CHFR: variants seen among roughly 807,000 people sequenced by gnomAD.
CHFR encodes E3 ubiquitin-protein ligase CHFR.
In CHFR, 57 loss-of-function variants were observed where a neutral mutation model predicts 87.6. The observed-to-expected ratio is 0.65, with a 90% CI of 0.53 to 0.81. The LOEUF is 0.81. Among genes scored for constraint, CHFR ranks in the 30% least tolerant of loss-of-function variants. The pLI is 0.00. For missense variants in CHFR, 797 were observed against 865.8 expected, an observed-to-expected ratio of 0.92 and a Z score of 1.00; for synonymous variants, 381 against 359.2, an observed-to-expected ratio of 1.06 and a Z score of -0.69.
At chr12:132,871,860 G>C (rs145288754) in intron 4 of CHFR, 276 of 166,092 alleles carry the variant, frequency 1.7e-3, no homozygotes, top group African/African-American at 6.4e-3. Context: ...AACAAAAACG[G>C]GACTTCTGGA....
chr12:132,853,772 G>A (rs1326069809), intron 10 of CHFR, 199 bp from the exon 11 acceptor site: 1 of 579,520 alleles, frequency 1.7e-6, no homozygotes, highest in Non-Finnish European at 2.9e-6. Flanking sequence ...GCAAGGACAC[G>A]CCACTCTGCA....
At chr12:132,851,810 G>T in intron 11 of CHFR, 73 bp from the exon 12 acceptor site, 1 of 1,524,264 alleles carries the variant, frequency 6.6e-7, no homozygotes. Flanking sequence ...AGAGGCCGCC[G>T]GGAAGCACAG....
intron 4 of CHFR, 133 bp downstream of exon 4, chr12:132,872,152 G>T: frequency 1.5e-6 from 1 of 657,716 alleles, no homozygotes; most frequent in Non-Finnish European, 2.7e-6. Context: ...AGGAACCCAT[G>T]TGAGCAAGAA....
chr12:132,869,882 G>T, intron 5 of CHFR, 84 bp from the exon 6 acceptor site: 1 of 1,454,226 alleles, frequency 6.9e-7, no homozygotes, highest in Non-Finnish European at 9.4e-7. Context: ...GGCTCAAGCA[G>T]ACACTCTAGG....
In CHFR at chr12:132,838,876, C is replaced by T. The variant is rs1264044106; in HGVS notation, c.*2678G>A. On this transcript the variant is annotated 3_prime_UTR_variant, in exon 18 of 18. Transcript: ENST00000450056. ...CCGAGGAGTAACTGCCCTGATCTCC[C>T]TGCCTCCATAAAACACGGCTCCTTA... 2 of 152,500 alleles carry T rather than the reference C, an allele frequency of 1.3e-5. No homozygotes were observed. The highest frequency in any genetic ancestry group is 4.8e-5 in the African/African-American group (2 of 41,430). 9.4% of individuals were successfully genotyped at this position (152,500 alleles called of 1,614,324 possible). A position where few individuals can be genotyped will look rare whatever the true frequency, so the allele number is the denominator to read the frequency against.
chr12:132,853,563 C>T lies in CHFR; in HGVS notation c.1240G>A (p.Val414Ile), dbSNP rs768814594. The T allele has an allele frequency of 1.2e-5, 18 of 1,529,902 alleles. No individual in the cohort carries two copies. Among genetic ancestry groups the T allele is most frequent in the Admixed American group, 1.0e-4 (5 of 48,232 alleles). 94.8% of individuals were successfully genotyped at this position (1,529,902 alleles called of 1,614,324 possible). A position where few individuals can be genotyped will look rare whatever the true frequency, so the allele number is the denominator to read the frequency against. The change falls in exon 11 of 18, where the codon GTC (valine) becomes ATC (isoleucine). Residue 414 changes from valine to isoleucine, a missense_variant. Around this residue, in one of 2 missense-constraint regions of CHFR, gnomAD observed 597 missense variants for 601.2 expected, o/e 0.99. Coordinates refer to ENST00000450056, the MANE Select transcript of CHFR (RefSeq NM_001161346.2). ...SESSDISQPY[V>I]VCRQCPEYRR... is the part of the protein sequence containing the mutation. Reference sequence around the variant, plus strand: ...TACTCAGGACACTGCCGGCACACGACGTATGGCTGGCTGCAAGGAAGCACA... The same window carrying T: ...TACTCAGGACACTGCCGGCACACGATGTATGGCTGGCTGCAAGGAAGCACA...
At chr12:132,844,680 G>C (rs565048496) in intron 15 of CHFR, among the ~76,000 whole-genome samples, 75 of 152,028 alleles carry the variant, frequency 4.9e-4, no homozygotes, top group Non-Finnish European at 7.8e-4. Flanking sequence ...GCCCAGGCTA[G>C]AGTGCAGTGG....
At chr12:132,872,147 C>A (rs189161221) in intron 4 of CHFR, 138 bp downstream of exon 4, 67 of 647,690 alleles carry the variant, frequency 1.0e-4, no homozygotes, top group Non-Finnish European at 1.8e-4. Context: ...ACGGCAGGAA[C>A]CCATGTGAGC....
rs567371193 is a variant in CHFR at position 132,853,309 on chromosome 12, C to T, written c.1372+122G>A. 416 of 1,101,262 alleles carry T rather than the reference C, an allele frequency of 3.8e-4. 2 individuals carry two copies. Among genetic ancestry groups the T allele is most frequent in the Middle Eastern group, 2.4e-3 (8 of 3,274 alleles). 68.2% of individuals were successfully genotyped at this position (1,101,262 alleles called of 1,614,324 possible). A position where few individuals can be genotyped will look rare whatever the true frequency, so the allele number is the denominator to read the frequency against. On this transcript the variant is annotated intron_variant, in intron 11 of 17. Coordinates refer to ENST00000450056, the MANE Select transcript of CHFR (RefSeq NM_001161346.2). ...TGCAGGGAGACCAATGAGGCCAGGG[C>T]CCAAAGGGGGCGAGCAGTGCAGACA... is the stretch of plus-strand genomic sequence containing the variant.
intron 2 of CHFR, among the ~76,000 whole-genome samples, chr12:132,886,022 C>T (rs1951883787): frequency 6.6e-6 from 1 of 152,118 alleles, no homozygotes; most frequent in African/African-American, 2.4e-5. Flanking sequence ...CCCCAAAAAA[C>T]AAAACCAGGT....
chr12:132,877,620 G>C lies in CHFR; in HGVS notation c.168C>G (p.Val56=), dbSNP rs1951658293. The change falls in exon 3 of 18, where the codon GTC becomes GTG. Residue 56 remains valine (V), a synonymous_variant. Transcript: ENST00000450056. ...CTACAATTCTACAGTGATCTCCAGAGACCAGTTTATTGCTGGGGAAGGAAA... is the reference window on the plus strand; with the variant it reads ...CTACAATTCTACAGTGATCTCCAGACACCAGTTTATTGCTGGGGAAGGAAA... ...CDLSFPSNKL[V]SGDHCRIVVD... The C allele has an allele frequency of 8.1e-6, 13 of 1,613,630 alleles. No individual in the cohort carries two copies. The East Asian group carries it at 2.9e-4, about 36-fold the overall frequency.
intron 3 of CHFR, among the ~76,000 whole-genome samples, chr12:132,877,250 G>A (rs1358541599): frequency 6.6e-6 from 1 of 152,160 alleles, no homozygotes; most frequent in Admixed American, 6.5e-5. Context: ...ACGCTGTATA[G>A]GTTGATAGCC....
chr12:132,848,387 G>C (rs376989159), intron 13 of CHFR: 1 of 796,868 alleles, frequency 1.3e-6, no homozygotes, highest in African/African-American at 1.7e-5. Flanking sequence ...TCTTGGTATC[G>C]TAACAGCAGA....
At chr12:132,850,715 G>A (rs554740089) in intron 12 of CHFR, among the ~76,000 whole-genome samples, 1 of 152,142 alleles carries the variant, frequency 6.6e-6, no homozygotes, top group African/African-American at 2.4e-5. Flanking sequence ...CAGTGCTGTG[G>A]TCCTGTGTGC....
intron 12 of CHFR, among the ~76,000 whole-genome samples, chr12:132,850,968 T>C (rs1375234427): frequency 3.3e-4 from 7 of 21,184 alleles, no homozygotes; most frequent in African/African-American, 6.9e-4. Flanking sequence ...TGTGTGCATA[T>C]ATATATATAT....
rs61083084 is a variant in CHFR, at chr12:132,876,173, C to CAA, written c.233+1380_233+1381dup. Reference sequence around the variant, plus strand: ...CCTGCAACACAGTGAAACTCCATCTCAAAAAAAAAAAAGAAAGAAAGAAAA... The same window carrying CAA: ...CCTGCAACACAGTGAAACTCCATCTCAAAAAAAAAAAAAAGAAAGAAAGAAAA... On this transcript the variant is annotated intron_variant, in intron 3 of 17. Coordinates refer to ENST00000450056, the MANE Select transcript of CHFR (RefSeq NM_001161346.2). Among the ~76,000 whole-genome samples, 356 of 139,538 alleles carry CAA rather than the reference C, an allele frequency of 2.6e-3. 5 individuals are homozygous for CAA. Among genetic ancestry groups the CAA allele is most frequent in the African/African-American group, 8.9e-3 (340 of 38,144 alleles). The allele number at this position is 139,538 out of a possible 152,430, so 91.5% of individuals were successfully genotyped here.
Position 132,836,652 on chromosome 12 carries a change from C to T in CHFR, c.*4902G>A, listed in dbSNP as rs946453272. The stretch of plus-strand genomic sequence containing the variant: ...AGTCCATTCCTTCCACAGACATGCA[C>T]GACCAAGTGTCTGCTCTGTGTGAGG... On this transcript the variant is annotated 3_prime_UTR_variant, in exon 18 of 18. Transcript: ENST00000450056. 4 of 455,970 alleles carry T rather than the reference C, an allele frequency of 8.8e-6. No homozygotes were observed. Among genetic ancestry groups the T allele is most frequent in the Non-Finnish European group, 8.8e-6 (2 of 226,810 alleles). The allele number at this position is 455,970 out of a possible 1,614,324, so 28.2% of individuals were successfully genotyped here.
At chr12:132,853,974 C>T (rs1951007563) in intron 10 of CHFR, 1 of 174,382 alleles carries the variant, frequency 5.7e-6, no homozygotes, top group Non-Finnish European at 1.2e-5. Context: ...GGAGCCACAC[C>T]AGGCGCCTGC....
In CHFR at chr12:132,887,321, C is replaced by A; in HGVS notation, c.8G>T (p.Arg3Leu). The change falls in exon 2 of 18, where the codon CGG (arginine) becomes CTG (leucine). Residue 3 changes from arginine to leucine, a missense_variant. Around this residue, in one of 2 missense-constraint regions of CHFR, gnomAD observed 597 missense variants for 601.2 expected, o/e 0.99. Coordinates refer to ENST00000450056, the MANE Select transcript of CHFR (RefSeq NM_001161346.2). ME[R>L]PEEGKQSPPP... ...CGGCGACTGCTTGCCTTCCTCGGGCCGCTCCATCGGGATTCACATCTGCGG... is the reference window on the plus strand; with the variant it reads ...CGGCGACTGCTTGCCTTCCTCGGGCAGCTCCATCGGGATTCACATCTGCGG... 1 of 1,470,558 alleles carries A rather than the reference C, an allele frequency of 6.8e-7. No individual in the cohort carries two copies. Among genetic ancestry groups the A allele is most frequent in the Non-Finnish European group, 8.9e-7 (1 of 1,117,326 alleles). 91.1% of individuals were successfully genotyped at this position (1,470,558 alleles called of 1,614,324 possible).
Sources: gnomAD v4.1 joint callset for allele counts (sites outside exome capture counted in the v4.1 genomes callset) on GRCh38, gnomAD v4.1.1 for gene constraint, gnomAD v4.1.1 regional missense constraint, MANE v1.5 for transcripts, NCBI Gene and HGNC (gene_info 2026-07-23, HGNC 2026-07-21) for gene names.